SERPINB7: variants seen among roughly 807,000 people sequenced by gnomAD.
SERPINB7 encodes serpin B7.
SERPINB7 carries 31 observed loss-of-function variants against 37.4 expected under a neutral mutation model. That is an observed-to-expected ratio of 0.83 (90% confidence interval 0.62 to 1.12). The LOEUF (loss-of-function observed/expected upper bound fraction) is 1.12. Among genes scored for constraint, SERPINB7 ranks in the 50% most tolerant of loss-of-function variants. SERPINB7 has a pLI of 0.00. For missense variants in SERPINB7, 521 were observed against 455.3 expected, an observed-to-expected ratio of 1.14 and a Z score of -1.31; for synonymous variants, 163 against 166.1, an observed-to-expected ratio of 0.98 and a Z score of 0.14.
At chr18:63,772,968 C>G (rs1407496600), upstream of SERPINB7, among the ~76,000 whole-genome samples, 1 of 151,838 alleles carries the variant, frequency 6.6e-6, no homozygotes, top group Non-Finnish European at 1.5e-5. Flanking sequence ...TTATTCATGT[C>G]AAAAGTAAAA....
At chr18:63,767,750 C>A (rs1234137292) in intron 1 of SERPINB7, among the ~76,000 whole-genome samples, 1 of 151,902 alleles carries the variant, frequency 6.6e-6, no homozygotes, top group Non-Finnish European at 1.5e-5. Flanking sequence ...TTGGTGTTAT[C>A]TCTTCTCTGA....
chr18:63,791,345 T>A (rs2049425050), intron 2 of SERPINB7, among the ~76,000 whole-genome samples: 1 of 152,202 alleles, frequency 6.6e-6, no homozygotes, highest in Admixed American at 6.5e-5. Context: ...TAGAGCCTAT[T>A]TAAGTAAAAC....
At chr18:63,793,415 G>A in intron 4 of SERPINB7, 138 bp downstream of exon 4, 1 of 460,510 alleles carries the variant, frequency 2.2e-6, no homozygotes, top group African/African-American at 2.0e-5. Context: ...CAGATGTCTT[G>A]AATATATCAT....
chr18:63,771,034 G>A (rs565733327), upstream of SERPINB7, among the ~76,000 whole-genome samples: 61 of 150,234 alleles, frequency 4.1e-4, no homozygotes, highest in African/African-American at 1.3e-3. Context: ...TGCAGTTTGC[G>A]TGGTGGGGTG....
At chr18:63,761,902 C>A (rs1006263559) in intron 1 of SERPINB7, among the ~76,000 whole-genome samples, 1 of 152,118 alleles carries the variant, frequency 6.6e-6, no homozygotes, top group Non-Finnish European at 1.5e-5. Flanking sequence ...GACTAATACA[C>A]CTGGCGTGTC....
At chr18:63,792,232 A>G (rs1324744110) in intron 2 of SERPINB7, among the ~76,000 whole-genome samples, 161 bp from the exon 3 acceptor site, 1 of 152,266 alleles carries the variant, frequency 6.6e-6, no homozygotes, top group Non-Finnish European at 1.5e-5. Flanking sequence ...GTTGATGTGC[A>G]TTCAGAGTCA....
chr18:63,768,786 A>G (rs1449881084), intron 1 of SERPINB7, among the ~76,000 whole-genome samples: 1 of 151,938 alleles, frequency 6.6e-6, no homozygotes, highest in African/African-American at 2.4e-5. Context: ...AAAACTCCCC[A>G]AGGTCCCTTT....
chr18:63,775,835 A>T (rs761170272), intron 1 of SERPINB7, 119 bp downstream of exon 1: 2 of 152,140 alleles, frequency 1.3e-5, no homozygotes, highest in African/African-American at 2.4e-5. Flanking sequence ...ATGGCCAATG[A>T]TCATGCTCAG....
chr18:63,791,819 C>G (rs142304925), intron 2 of SERPINB7, among the ~76,000 whole-genome samples: 74 of 152,146 alleles, frequency 4.9e-4, no homozygotes, highest in Non-Finnish European at 5.1e-4. Context: ...ACCGTGTTAG[C>G]CAGGATGGTC....
intron 2 of SERPINB7, among the ~76,000 whole-genome samples, chr18:63,785,894 ATAATATACGTAT>A (rs2049360121): frequency 1.5e-5 from 2 of 137,334 alleles, no homozygotes; most frequent in Non-Finnish European, 3.0e-5. Flanking sequence ...ATATATATAT[ATAATATACGTAT>A]ATATACACAT....
intron 2 of SERPINB7, among the ~76,000 whole-genome samples, chr18:63,789,198 G>A (rs571091210): frequency 6.6e-6 from 1 of 152,030 alleles, no homozygotes; most frequent in South Asian, 2.1e-4. Flanking sequence ...AAAGATTAGC[G>A]AGCTGGTCCC....
chr18:63,765,690 A>G (rs1310851983), intron 1 of SERPINB7, among the ~76,000 whole-genome samples: 10 of 151,988 alleles, frequency 6.6e-5, no homozygotes, highest in Admixed American at 3.9e-4. Context: ...CTGCAGCTCC[A>G]TTCTTATATT....
chr18:63,791,511 C>A (rs2049426766), intron 2 of SERPINB7, among the ~76,000 whole-genome samples: 1 of 152,140 alleles, frequency 6.6e-6, no homozygotes, highest in African/African-American at 2.4e-5. Context: ...GAATTGATGA[C>A]CTAATTTGTA....
At chr18:63,795,410 A>T (rs1315109408) in intron 4 of SERPINB7, among the ~76,000 whole-genome samples, 1 of 151,896 alleles carries the variant, frequency 6.6e-6, no homozygotes, top group East Asian at 1.9e-4. Flanking sequence ...AAAATACAAA[A>T]ATTAGCCCAG....
At chr18:63,762,796 G>T (rs1364608236) in intron 1 of SERPINB7, among the ~76,000 whole-genome samples, 1 of 152,174 alleles carries the variant, frequency 6.6e-6, no homozygotes, top group African/African-American at 2.4e-5. Context: ...CATCTTTCAT[G>T]AGAGTCAGCA....
At chr18:63,762,074 G>A (rs1046153446) in intron 1 of SERPINB7, among the ~76,000 whole-genome samples, 3 of 152,242 alleles carry the variant, frequency 2.0e-5, no homozygotes, top group Middle Eastern at 3.4e-3. Context: ...ATGCCACCTC[G>A]TAATTGCTTG....
chr18:63,765,081 CCTTT>C (rs1386278301), intron 1 of SERPINB7, among the ~76,000 whole-genome samples: 1 of 152,012 alleles, frequency 6.6e-6, no homozygotes, highest in Non-Finnish European at 1.5e-5. Flanking sequence ...CTCTGTGATT[CCTTT>C]GTTTTTTCCT....
chr18:63,800,813 A>G (rs978339612), intron 6 of SERPINB7, 53 bp from the exon 7 acceptor site: 9 of 1,593,306 alleles, frequency 5.6e-6, no homozygotes, highest in South Asian at 1.1e-5. Flanking sequence ...TATTTGGTTA[A>G]TAAAGTAAAA....
At chr18:63,791,605 G>T (rs886091204) in intron 2 of SERPINB7, among the ~76,000 whole-genome samples, 9 of 151,876 alleles carry the variant, frequency 5.9e-5, no homozygotes, top group African/African-American at 2.2e-4. Context: ...TAGTCCACAG[G>T]TATTTTTATT....
Sources: gnomAD v4.1 joint callset for allele counts (sites outside exome capture counted in the v4.1 genomes callset) on GRCh38, gnomAD v4.1.1 for gene constraint, MANE v1.5 for transcripts, NCBI Gene and HGNC (gene_info 2026-07-23, HGNC 2026-07-21) for gene names.